RALGAPA1: variants seen among roughly 807,000 people sequenced by gnomAD.
RALGAPA1 encodes ral GTPase-activating protein subunit alpha-1.
RALGAPA1 carries 52 observed loss-of-function variants against 269.6 expected under a neutral mutation model. The ratio of observed to expected loss-of-function variants is 0.19; its 90% CI spans 0.15 to 0.24. The LOEUF is 0.24. Ranked by LOEUF, RALGAPA1 falls within the 10% of genes least tolerant of loss-of-function variation. RALGAPA1 has a pLI of 1.00. For synonymous variants in RALGAPA1, 817 were observed against 1,008.3 expected (o/e 0.81, Z 3.60); for missense variants, 1,917 against 3,013.9 (o/e 0.64, Z 8.52).
intron 9 of RALGAPA1, 104 bp from the exon 10 acceptor site, chr14:35,748,928 C>T (rs2072410947): frequency 7.1e-7 from 1 of 1,408,022 alleles, no homozygotes; most frequent in Non-Finnish European, 9.2e-7. Flanking sequence ...AAAACATTTC[C>T]CAAGTAATTT....
At chr14:35,572,535 A>G in intron 38 of RALGAPA1, 25 bp downstream of exon 38, 1 of 1,562,746 alleles carries the variant, frequency 6.4e-7, no homozygotes, top group African/African-American at 1.4e-5. Context: ...ATCTATTACT[A>G]AAATGGAAGA....
intron 39 of RALGAPA1, among the ~76,000 whole-genome samples, chr14:35,569,619 T>A (rs2057003043): frequency 6.6e-6 from 1 of 152,154 alleles, no homozygotes; most frequent in Non-Finnish European, 1.5e-5. Context: ...ACATTCCCCA[T>A]CTTCTCATAC....
chr14:35,585,930 T>C (rs369868772), intron 37 of RALGAPA1, among the ~76,000 whole-genome samples: 1 of 152,240 alleles, frequency 6.6e-6, no homozygotes, highest in Non-Finnish European at 1.5e-5. Context: ...GTCTTGGCAA[T>C]GCGGGCTCTT....
intron 39 of RALGAPA1, among the ~76,000 whole-genome samples, chr14:35,555,556 G>T (rs1319539099): frequency 6.6e-6 from 1 of 152,114 alleles, no homozygotes; most frequent in Non-Finnish European, 1.5e-5. Flanking sequence ...AAATATTTAG[G>T]TTTTTAAAAA....
intron 35 of RALGAPA1, among the ~76,000 whole-genome samples, chr14:35,612,231 C>G (rs1462348039): frequency 6.6e-6 from 1 of 151,718 alleles, no homozygotes; most frequent in South Asian, 2.1e-4. Context: ...ATTGGCCAGG[C>G]GTGGTGGCAT....
rs577135091 is a variant in RALGAPA1, at chr14:35,647,214, G to A, written c.5676+4591C>T. On this transcript the variant is annotated intron_variant, in intron 31 of 41. Coordinates refer to ENST00000680220, the MANE Select transcript of RALGAPA1 (RefSeq NM_001346249.2). ...CATATAAAGTACACACTGCTGGCACGTGATTTTAAAAAAAAATCACTATAT... is the reference window on the plus strand; with the variant it reads ...CATATAAAGTACACACTGCTGGCACATGATTTTAAAAAAAAATCACTATAT... Among the ~76,000 whole-genome samples the A allele has an allele frequency of 5.9e-5, 9 of 152,036 alleles. No homozygotes were observed. The South Asian group carries it at 8.3e-4, about 14-fold the overall frequency.
At chr14:35,644,965 CTTATAA>C (rs954253674) in intron 31 of RALGAPA1, among the ~76,000 whole-genome samples, 14 of 152,276 alleles carry the variant, frequency 9.2e-5, no homozygotes, top group African/African-American at 3.4e-4. Context: ...GTTTTTAATA[CTTATAA>C]TTAGATACCA....
chr14:35,807,040 A>G (rs961351879), intron 1 of RALGAPA1, among the ~76,000 whole-genome samples: 1 of 152,190 alleles, frequency 6.6e-6, no homozygotes, highest in African/African-American at 2.4e-5. Context: ...TGCCAGATGG[A>G]AAAAAACTCT....
intron 37 of RALGAPA1, among the ~76,000 whole-genome samples, chr14:35,589,746 G>A (rs975128404): frequency 6.6e-6 from 1 of 151,884 alleles, no homozygotes; most frequent in Non-Finnish European, 1.5e-5. Flanking sequence ...TGTCACTGAG[G>A]CTGTAGTGCA....
In RALGAPA1 at chr14:35,784,866, C is replaced by T. The variant is rs139182560; in HGVS notation, c.107-9121G>A. Among the ~76,000 whole-genome samples, 786 of 152,060 alleles carry T rather than the reference C, an allele frequency of 5.2e-3. 4 individuals carry two copies. The highest frequency in any genetic ancestry group is 0.018 in the African/African-American group (751 of 41,468). On this transcript the variant is annotated intron_variant, in intron 1 of 41. Coordinates refer to ENST00000680220, the MANE Select transcript of RALGAPA1 (RefSeq NM_001346249.2). Reference sequence around the variant, plus strand: ...AATGTTATTTTTTAATTGAGTAGTCCGATGATAGGCGAGTAATCAAAATAC... The same window carrying T: ...AATGTTATTTTTTAATTGAGTAGTCTGATGATAGGCGAGTAATCAAAATAC...
At chr14:35,744,764 G>A (rs1330717852) in intron 10 of RALGAPA1, among the ~76,000 whole-genome samples, 1 of 152,052 alleles carries the variant, frequency 6.6e-6, no homozygotes, top group Non-Finnish European at 1.5e-5. Flanking sequence ...GATCATCACT[G>A]CCTGCTTTAA....
In RALGAPA1 at chr14:35,600,232, C is replaced by CTTTTTTTTTTTTT. The variant is rs71124708; in HGVS notation, c.7054-4456_7054-4444dup. Among the ~76,000 whole-genome samples the CTTTTTTTTTTTTT allele has an allele frequency of 1.9e-3, 167 of 86,922 alleles. 1 individual carries two copies. The highest frequency in any genetic ancestry group is 6.2e-3 in the African/African-American group (141 of 22,876). 57.0% of individuals were successfully genotyped at this position (86,922 alleles called of 152,430 possible). ...TCCTTTTTTTTCTTTTTCTTTTTTT[C>CTTTTTTTTTTTTT]TTTTTTTTTTTTTTTTTGAGACAGG... On this transcript the variant is annotated intron_variant, in intron 36 of 41. Coordinates refer to ENST00000680220, the MANE Select transcript of RALGAPA1 (RefSeq NM_001346249.2).
At chr14:35,556,008 A>G (rs2055560629) in intron 39 of RALGAPA1, among the ~76,000 whole-genome samples, 2 of 152,238 alleles carry the variant, frequency 1.3e-5, no homozygotes, top group Admixed American at 6.5e-5. Context: ...TTTACTATAC[A>G]TTAGTGACTA....
At chr14:35,701,477 T>C (rs1333572442) in intron 16 of RALGAPA1, among the ~76,000 whole-genome samples, 1 of 152,180 alleles carries the variant, frequency 6.6e-6, no homozygotes, top group African/African-American at 2.4e-5. Context: ...TTTCTTTTAC[T>C]GTCCTCCCGT....
chr14:35,798,665 G>A (rs545627625), intron 1 of RALGAPA1, among the ~76,000 whole-genome samples: 1 of 152,216 alleles, frequency 6.6e-6, no homozygotes, highest in African/African-American at 2.4e-5. Context: ...AATGTTAAAG[G>A]CAGTCCTTCA....
chr14:35,757,101 TTTA>T (rs1247262349), intron 6 of RALGAPA1, among the ~76,000 whole-genome samples, 193 bp from the exon 7 acceptor site: 13 of 139,204 alleles, frequency 9.3e-5, no homozygotes, highest in African/African-American at 3.2e-4. Flanking sequence ...TATTTATTTA[TTTA>T]TTATTATTAT....
chr14:35,580,382 CTCAGT>C (rs1335010975), intron 37 of RALGAPA1, among the ~76,000 whole-genome samples: 1 of 152,144 alleles, frequency 6.6e-6, no homozygotes, highest in African/African-American at 2.4e-5. Flanking sequence ...GGTGAATACA[CTCAGT>C]TAAGTGGAAA....
chr14:35,556,211 T>A (rs1414945433), intron 39 of RALGAPA1, among the ~76,000 whole-genome samples: 3 of 152,188 alleles, frequency 2.0e-5, no homozygotes, highest in African/African-American at 7.2e-5. Flanking sequence ...ATTTTGCAAG[T>A]ACATCTCAAG....
At chr14:35,582,697 T>C (rs1444439440) in intron 37 of RALGAPA1, among the ~76,000 whole-genome samples, 1 of 152,096 alleles carries the variant, frequency 6.6e-6, no homozygotes, top group Non-Finnish European at 1.5e-5. Flanking sequence ...TAGAGAAAAA[T>C]ATCCTCTTGC....
Sources: allele counts gnomAD v4.1 joint callset (sites outside exome capture counted in the v4.1 genomes callset), GRCh38; gene constraint gnomAD v4.1.1; transcripts MANE v1.5; gene names NCBI Gene and HGNC (gene_info 2026-07-23, HGNC 2026-07-21).